The following NMT2 variants were observed in gnomAD, a reference collection of about 807,000 sequenced individuals.
The protein encoded by NMT2 is glycylpeptide N-tetradecanoyltransferase 2.
Under a neutral mutation model 65.4 loss-of-function variants are expected in NMT2, and 35 were observed. That is an observed-to-expected ratio of 0.54 (90% CI 0.41 to 0.71). The LOEUF is 0.71. NMT2 is among the 30% of genes least tolerant of loss of function. The probability of loss-of-function intolerance (pLI) is 0.00; values close to 1 mark genes in which losing one functional copy is unlikely to be tolerated. For synonymous variants in NMT2, 226 were observed against 231.8 expected (o/e 0.98, Z 0.23); for missense variants, 489 against 611.3 (o/e 0.80, Z 2.11).
At chr10:15,139,863 C>CTATATATATATATA (rs201561074) in intron 2 of NMT2, 4 of 69,564 alleles carry the variant, frequency 5.8e-5, no homozygotes, top group Admixed American at 2.1e-4. Flanking sequence ...GTAACAACTA[C>CTATATATATATATA]TATATATATA....
At chr10:15,125,908 G>A (rs1385557478) in intron 8 of NMT2, among the ~76,000 whole-genome samples, 1 of 151,890 alleles carries the variant, frequency 6.6e-6, no homozygotes, top group Non-Finnish European at 1.5e-5. Flanking sequence ...CTTGTGATCT[G>A]CCCGCCTTGG....
Position 15,108,472 on chromosome 10 carries a change from A to G in NMT2, c.*723T>C, listed in dbSNP as rs534209650. The stretch of plus-strand genomic sequence containing the variant: ...AGTGCTGGGATTACAGGCGTGAGCC[A>G]CCACGCCCGGCCTCAGGCTCTTTCA... On this transcript the variant is annotated 3_prime_UTR_variant, in exon 12 of 12. Coordinates refer to ENST00000378165, the MANE Select transcript of NMT2 (RefSeq NM_004808.3). The G allele has an allele frequency of 1.1e-4, 104 of 982,508 alleles. No homozygotes were observed. The highest frequency in any genetic ancestry group is 3.7e-4 in the Admixed American group (6 of 16,276). The allele number at this position is 982,508 out of a possible 1,614,324, so 60.9% of individuals were successfully genotyped here.
chr10:15,107,965 T>C lies in NMT2; in HGVS notation c.*1230A>G, dbSNP rs1230800950. 12 of 985,346 alleles carry C rather than the reference T, an allele frequency of 1.2e-5. No individual in the cohort carries two copies. Among genetic ancestry groups the C allele is most frequent in the Non-Finnish European group, 7.2e-6 (6 of 829,592 alleles). 61.0% of individuals were successfully genotyped at this position (985,346 alleles called of 1,614,324 possible). A position where few individuals can be genotyped will look rare whatever the true frequency, so the allele number is the denominator to read the frequency against. On this transcript the variant is annotated 3_prime_UTR_variant, in exon 12 of 12. Coordinates refer to ENST00000378165, the MANE Select transcript of NMT2 (RefSeq NM_004808.3). ...TCCATTAGCATGACACATGACAGTT[T>C]TCATGATAAAATCAGCATAGAGGAG...
chr10:15,167,994 G>A (rs1324296487), intron 1 of NMT2, among the ~76,000 whole-genome samples: 2 of 152,292 alleles, frequency 1.3e-5, no homozygotes, highest in Non-Finnish European at 2.9e-5. Context: ...CACCATCGGG[G>A]CACCTCCACG....
At chr10:15,144,064 T>C (rs182049179) in intron 1 of NMT2, among the ~76,000 whole-genome samples, 38 of 152,378 alleles carry the variant, frequency 2.5e-4, no homozygotes, top group African/African-American at 8.9e-4. Flanking sequence ...TGGGAGTTAA[T>C]TGATGCTACA....
At chr10:15,166,962 A>T (rs1442923856) in intron 1 of NMT2, among the ~76,000 whole-genome samples, 2 of 152,340 alleles carry the variant, frequency 1.3e-5, no homozygotes, top group African/African-American at 4.8e-5. Flanking sequence ...ATAAACAGAA[A>T]TTACAGCAGA....
intron 5 of NMT2, 25 bp downstream of exon 5, chr10:15,133,028 G>A (rs763849029): frequency 1.7e-5 from 27 of 1,605,058 alleles, no homozygotes; most frequent in African/African-American, 6.7e-5. Flanking sequence ...GCCTATCCAC[G>A]ACATCTGTGA....
Position 15,108,879 on chromosome 10 carries a change from A to G in NMT2, c.*316T>C. 1 of 1,123,228 alleles carries G rather than the reference A, an allele frequency of 8.9e-7. No homozygotes were observed. The highest frequency in any genetic ancestry group is 2.4e-5 in the South Asian group (1 of 41,504). The allele number at this position is 1,123,228 out of a possible 1,614,324, so 69.6% of individuals were successfully genotyped here. A position where few individuals can be genotyped will look rare whatever the true frequency, so the allele number is the denominator to read the frequency against. ...ACTCTGTAACTTCTACTTAGTCCAT[A>G]GAAAAACAGTCCCTTTTCTAAGGGT... On this transcript the variant is annotated 3_prime_UTR_variant, in exon 12 of 12. Coordinates refer to ENST00000378165, the MANE Select transcript of NMT2 (RefSeq NM_004808.3).
At chr10:15,136,750 G>A (rs1846523705) in intron 2 of NMT2, among the ~76,000 whole-genome samples, 1 of 151,828 alleles carries the variant, frequency 6.6e-6, no homozygotes, top group African/African-American at 2.4e-5. Context: ...TCCTTTTTAG[G>A]TAAAACATTA....
chr10:15,166,684 T>C (rs970012567), intron 1 of NMT2, among the ~76,000 whole-genome samples: 2 of 152,208 alleles, frequency 1.3e-5, no homozygotes, highest in Admixed American at 6.6e-5. Context: ...GGTGAAAACA[T>C]TTCAGTCCAT....
rs751092719 is a variant in NMT2 at position 15,109,749 on chromosome 10, G to T, written c.1429C>A (p.Gln477Lys). ...LKFGIGDGNLQYYLYNWRCPG... is the reference protein window; with the variant it reads ...LKFGIGDGNLKYYLYNWRCPG... Reference sequence around the variant, plus strand: ...CACCTCCAATTGTACAGGTAATACTGCAAATTGCCATCTCCTATACCAAAC... The same window carrying T: ...CACCTCCAATTGTACAGGTAATACTTCAAATTGCCATCTCCTATACCAAAC... Residue 477 changes from glutamine (Q) to lysine (K), a missense_variant, in exon 11 of 12, where the codon CAG becomes AAG. By Grantham distance (53) the Gln-to-Lys change is moderately conservative. Transcript: ENST00000378165. 1.9e-6 allele frequency: 3 copies of T among 1,613,498 alleles called. No individual in the cohort carries two copies. The Admixed American group carries it at 5.0e-5, about 27-fold the overall frequency.
chr10:15,167,147 G>A (rs1346361553), intron 1 of NMT2, among the ~76,000 whole-genome samples: 1 of 150,952 alleles, frequency 6.6e-6, no homozygotes, highest in Non-Finnish European at 1.5e-5. Flanking sequence ...CAGGGCTCAG[G>A]TTCAGATTCC....
chr10:15,134,038 TG>T (rs1344858955), intron 3 of NMT2, among the ~76,000 whole-genome samples: 1 of 152,198 alleles, frequency 6.6e-6, no homozygotes, highest in Non-Finnish European at 1.5e-5. Flanking sequence ...TCAACAGCCT[TG>T]GGAGGTGTGT....
chr10:15,153,301 C>T (rs767618349), intron 1 of NMT2, among the ~76,000 whole-genome samples: 19 of 152,232 alleles, frequency 1.2e-4, no homozygotes, highest in Non-Finnish European at 2.4e-4. Context: ...GGTTGATCTA[C>T]GTATTTTGAT....
chr10:15,136,135 C>A (rs895725454), intron 2 of NMT2, among the ~76,000 whole-genome samples: 1 of 151,322 alleles, frequency 6.6e-6, no homozygotes, highest in Non-Finnish European at 1.5e-5. Context: ...GAGGGAGAAT[C>A]GCTTGAACCT....
chr10:15,155,731 G>A (rs1335683546), intron 1 of NMT2, among the ~76,000 whole-genome samples: 1 of 151,796 alleles, frequency 6.6e-6, no homozygotes, highest in Non-Finnish European at 1.5e-5. Context: ...TTTTCTTATT[G>A]AGAACTTTCA....
chr10:15,151,397 A>G (rs992071561), intron 1 of NMT2, among the ~76,000 whole-genome samples: 6 of 152,134 alleles, frequency 3.9e-5, no homozygotes, highest in Admixed American at 1.3e-4. Flanking sequence ...TTTGGTGTCT[A>G]CATCACACAA....
intron 8 of NMT2, among the ~76,000 whole-genome samples, chr10:15,121,199 T>A (rs538441207): frequency 6.6e-6 from 1 of 152,318 alleles, no homozygotes; most frequent in African/African-American, 2.4e-5. Context: ...AGATGAATAA[T>A]CTGTATATAA....
At chr10:15,120,284 C>G (rs1234098450) in intron 8 of NMT2, among the ~76,000 whole-genome samples, 1 of 152,046 alleles carries the variant, frequency 6.6e-6, no homozygotes, top group Non-Finnish European at 1.5e-5. Context: ...ATGATGAAAC[C>G]CTGTCTCTAC....
Sources: allele counts gnomAD v4.1 joint callset (sites outside exome capture counted in the v4.1 genomes callset), GRCh38; gene constraint gnomAD v4.1.1; transcripts MANE v1.5; gene names NCBI Gene and HGNC (gene_info 2026-07-23, HGNC 2026-07-21).